MCMDC2: variants seen among roughly 807,000 people sequenced by gnomAD.
The protein encoded by MCMDC2 is minichromosome maintenance domain-containing protein 2.
A neutral mutation model predicts 75.8 loss-of-function variants in MCMDC2; 54 were observed. The ratio of observed to expected loss-of-function variants is 0.71; its 90% CI spans 0.57 to 0.89. MCMDC2 has a LOEUF of 0.89. Ranked by LOEUF, MCMDC2 falls within the 40% of genes least tolerant of loss-of-function variation. The pLI is 0.00. For synonymous variants in MCMDC2, 249 were observed against 274.6 expected (o/e 0.91, Z 0.92); for missense variants, 656 against 780.4 (o/e 0.84, Z 1.90).
chr8:66,874,366 A>G lies in MCMDC2; in HGVS notation c.135A>G (p.Leu45=). ...QSYAVYRFKI[L]INPSDVVELD... is the part of the protein sequence containing the mutation. ...ATGCTGTCTATCGATTCAAAATTTT[A>G]ATAAATCCCTCTGATGTTGTTGAAT... The change falls in exon 3 of 15, where the codon TTA becomes TTG. Residue 45 remains leucine (L), a synonymous_variant. Transcript: ENST00000422365. 6.2e-7 allele frequency: 1 copy of G among 1,612,862 alleles called. No homozygotes were observed. The highest frequency in any genetic ancestry group is 8.5e-7 in the Non-Finnish European group (1 of 1,179,688).
intron 9 of MCMDC2, among the ~76,000 whole-genome samples, chr8:66,890,518 C>T (rs1040504335): frequency 4.6e-5 from 7 of 151,990 alleles, no homozygotes; most frequent in African/African-American, 1.2e-4. Flanking sequence ...GTCCAAGTCT[C>T]GTATACATTT....
chr8:66,886,634 A>C (rs1391302015), intron 9 of MCMDC2, among the ~76,000 whole-genome samples: 3 of 152,124 alleles, frequency 2.0e-5, no homozygotes, highest in Admixed American at 6.5e-5. Flanking sequence ...TTATTTGGGC[A>C]TGGTGGCATG....
chr8:66,877,923 A>G (rs889005779), intron 5 of MCMDC2, among the ~76,000 whole-genome samples: 4 of 151,968 alleles, frequency 2.6e-5, no homozygotes, highest in African/African-American at 9.7e-5. Context: ...CATATTTACA[A>G]TTAGTTATAA....
In MCMDC2 at chr8:66,905,325, A is replaced by G. The variant is rs2130855392; in HGVS notation, c.1869A>G (p.Thr623=). The part of the protein sequence containing the change: ...IAALLFETSL[T]LKYGATVFCV... The stretch of plus-strand genomic sequence containing the variant: ...CCTTACTATTTGAAACATCCCTCAC[A>G]TTGAAATATGGTAATGAATTAAATT... Residue 623 remains threonine, a synonymous_variant, in exon 14 of 15, where the codon ACA becomes ACG. Coordinates refer to ENST00000422365, the MANE Select transcript of MCMDC2 (RefSeq NM_173518.5). 2.0e-6 allele frequency: 3 copies of G among 1,476,684 alleles called. No homozygotes were observed. Among genetic ancestry groups the G allele is most frequent in the South Asian group, 3.0e-5 (2 of 66,862 alleles). The allele number at this position is 1,476,684 out of a possible 1,614,324, so 91.5% of individuals were successfully genotyped here.
At chr8:66,902,471 C>G (rs1387135864) in intron 13 of MCMDC2, among the ~76,000 whole-genome samples, 1 of 151,224 alleles carries the variant, frequency 6.6e-6, no homozygotes, top group Non-Finnish European at 1.5e-5. Context: ...GGGCGATCAC[C>G]TGAGGTCAGG....
At chr8:66,926,353 G>A (rs1359937829), downstream of MCMDC2, 2 of 152,184 alleles carry the variant, frequency 1.3e-5, no homozygotes, top group Non-Finnish European at 2.9e-5. Flanking sequence ...ACACATGAAA[G>A]CATATGATTA....
intron 9 of MCMDC2, among the ~76,000 whole-genome samples, chr8:66,885,475 CATT>C (rs1811796980): frequency 6.6e-6 from 1 of 151,900 alleles, no homozygotes; most frequent in Non-Finnish European, 1.5e-5. Context: ...CATTCTTGAT[CATT>C]GTTGTTTTTA....
chr8:66,877,862 C>CT lies in MCMDC2; in HGVS notation c.481+319dup, dbSNP rs1468382211. Reference sequence around the variant, plus strand: ...CCTGGATGACAAAGAGTGACCCTGTCTAAAAAAAAAAAAAAAAAAAAATTG... The same window carrying CT: ...CCTGGATGACAAAGAGTGACCCTGTCTTAAAAAAAAAAAAAAAAAAAAATTG... On this transcript the variant is annotated intron_variant, in intron 5 of 14. Transcript: ENST00000422365. Among the ~76,000 whole-genome samples the CT allele has an allele frequency of 1.1e-4, 12 of 107,180 alleles. No individual in the cohort carries two copies. In the Admixed American group the frequency reaches 1.2e-3, roughly 11 times the overall value. The allele number at this position is 107,180 out of a possible 152,430, so 70.3% of individuals were successfully genotyped here. A position where few individuals can be genotyped will look rare whatever the true frequency, so the allele number is the denominator to read the frequency against.
chr8:66,915,826 TGTG>T (rs1409403586), intron 14 of MCMDC2, among the ~76,000 whole-genome samples: 1 of 152,108 alleles, frequency 6.6e-6, no homozygotes, highest in Non-Finnish European at 1.5e-5. Context: ...TAAATGGGGT[TGTG>T]GAGGAGGAAC....
chr8:66,871,654 G>T (rs1811023584), intron 1 of MCMDC2: 1 of 152,144 alleles, frequency 6.6e-6, no homozygotes. Flanking sequence ...AGGCGTAGTG[G>T]CTCATACCTG....
chr8:66,895,754 C>A (rs1391703002), intron 10 of MCMDC2, among the ~76,000 whole-genome samples: 1 of 152,130 alleles, frequency 6.6e-6, no homozygotes, highest in Non-Finnish European at 1.5e-5. Flanking sequence ...TATTTCCCCC[C>A]AGTCATTGTA....
intron 4 of MCMDC2, among the ~76,000 whole-genome samples, chr8:66,874,955 C>G (rs575259908): frequency 2.0e-5 from 3 of 152,128 alleles, no homozygotes; most frequent in African/African-American, 7.2e-5. Flanking sequence ...AGGGTTTCAC[C>G]ATGCTGGCCA....
At chr8:66,916,435 G>C (rs1201042649) in intron 14 of MCMDC2, among the ~76,000 whole-genome samples, 1 of 152,158 alleles carries the variant, frequency 6.6e-6, no homozygotes, top group Non-Finnish European at 1.5e-5. Flanking sequence ...GAAGAGAAGT[G>C]TCCGAGGGAA....
intron 10 of MCMDC2, among the ~76,000 whole-genome samples, chr8:66,892,989 T>A (rs1432241223): frequency 5.3e-5 from 8 of 152,262 alleles, no homozygotes; most frequent in Non-Finnish European, 1.5e-5. Flanking sequence ...GAGGATTTTT[T>A]AAATCTATGT....
chr8:66,920,522 C>T lies in MCMDC2; in HGVS notation c.*1353C>T, dbSNP rs1813485154. On this transcript the variant is annotated 3_prime_UTR_variant, in exon 15 of 15. Coordinates refer to ENST00000422365, the MANE Select transcript of MCMDC2 (RefSeq NM_173518.5). ...AGGTATGAGCCAACACGACTGGCGA[C>T]TGTAGTTTTCAACAAAATACTTACA... 1 of 152,132 alleles carries T rather than the reference C, an allele frequency of 6.6e-6. No individual in the cohort carries two copies. Among genetic ancestry groups the T allele is most frequent in the African/African-American group, 2.4e-5 (1 of 41,430 alleles). 9.4% of individuals were successfully genotyped at this position (152,132 alleles called of 1,614,324 possible). A position where few individuals can be genotyped will look rare whatever the true frequency, so the allele number is the denominator to read the frequency against.
intron 9 of MCMDC2, among the ~76,000 whole-genome samples, chr8:66,887,991 A>T (rs1291894719): frequency 6.6e-6 from 1 of 152,244 alleles, no homozygotes; most frequent in African/African-American, 2.4e-5. Flanking sequence ...CTTTATGTTC[A>T]GTCTTGAAAT....
chr8:66,882,900 G>A (rs2130805952), intron 8 of MCMDC2, among the ~76,000 whole-genome samples: 1 of 152,338 alleles, frequency 6.6e-6, no homozygotes, highest in Admixed American at 6.5e-5. Flanking sequence ...AGCAGAACAT[G>A]ACTTTTCTGT....
chr8:66,922,563 CCTAT>C (rs753117424), downstream of MCMDC2: 2 of 518,652 alleles, frequency 3.9e-6, no homozygotes, highest in Admixed American at 1.9e-5. Flanking sequence ...AGCTATTAAA[CCTAT>C]CTGTCAAGAA....
chr8:66,889,483 G>A (rs1229212185), intron 9 of MCMDC2, among the ~76,000 whole-genome samples: 1 of 152,054 alleles, frequency 6.6e-6, no homozygotes, highest in Non-Finnish European at 1.5e-5. Flanking sequence ...GACAGAGCGA[G>A]ACTCTGTCTC....
Sources: allele counts gnomAD v4.1 joint callset (sites outside exome capture counted in the v4.1 genomes callset), GRCh38; gene constraint gnomAD v4.1.1; transcripts MANE v1.5; gene names NCBI Gene and HGNC (gene_info 2026-07-23, HGNC 2026-07-21).